Variants in DCC observed in about 807,000 individuals in gnomAD.
DCC encodes DCC netrin 1 receptor.
A neutral mutation model predicts 172.5 loss-of-function variants in DCC; 58 were observed. That is an observed-to-expected ratio of 0.34 (90% CI 0.27 to 0.42). DCC has a LOEUF of 0.42. Among genes scored for constraint, DCC ranks in the 10% least tolerant of loss-of-function variants. DCC has a pLI of 1.00. For synonymous variants in DCC, 709 were observed against 644.5 expected (o/e 1.10, Z -1.52); for missense variants, 1,740 against 1,791.0 (o/e 0.97, Z 0.51).
chr18:53,307,818 A>G (rs1210335342), intron 13 of DCC, among the ~76,000 whole-genome samples: 2 of 148,598 alleles, frequency 1.3e-5, no homozygotes, highest in African/African-American at 2.5e-5. Context: ...TGGAAAGCAT[A>G]TGAGAAATGT....
chr18:53,480,634 C>T (rs1352912132), intron 25 of DCC, among the ~76,000 whole-genome samples: 1 of 151,936 alleles, frequency 6.6e-6, no homozygotes, highest in Non-Finnish European at 1.5e-5. Flanking sequence ...AATTACAATG[C>T]CCAACATTTA....
At position 52,593,915 on chromosome 18, in the gene DCC, G is replaced by C. The variant is rs183229751; in HGVS notation, c.92-158139G>C. Among the ~76,000 whole-genome samples, 275 of 152,306 alleles carry C rather than the reference G, an allele frequency of 1.8e-3. 1 individual carries two copies. The highest frequency in any genetic ancestry group is 6.3e-3 in the African/African-American group (262 of 41,572). ...TTCCTCCAATCTGGATTGAGCTCCTGAGGGATATAAACACACAGAAGTTCC... is the reference window on the plus strand; with the variant it reads ...TTCCTCCAATCTGGATTGAGCTCCTCAGGGATATAAACACACAGAAGTTCC... On this transcript the variant is annotated intron_variant, in intron 1 of 28. Coordinates refer to ENST00000442544, the MANE Select transcript of DCC (RefSeq NM_005215.4).
chr18:53,453,082 A>AT (rs2045436897), intron 23 of DCC, among the ~76,000 whole-genome samples: 1 of 151,686 alleles, frequency 6.6e-6, no homozygotes, highest in Non-Finnish European at 1.5e-5. Flanking sequence ...CGCCCAGCTA[A>AT]TTTCTTGAAT....
At chr18:52,649,289 C>T (rs907070346) in intron 1 of DCC, among the ~76,000 whole-genome samples, 4 of 148,816 alleles carry the variant, frequency 2.7e-5, no homozygotes, top group East Asian at 2.0e-4. Context: ...AGGAGAATGG[C>T]GTGAACCCGG....
chr18:52,668,352 G>A (rs1031872366), intron 1 of DCC, among the ~76,000 whole-genome samples: 2 of 152,134 alleles, frequency 1.3e-5, no homozygotes, highest in South Asian at 2.1e-4. Context: ...AGATTTTAAA[G>A]CTCTAATTCA....
intron 2 of DCC, among the ~76,000 whole-genome samples, chr18:52,761,206 A>G (rs2037154813): frequency 1.3e-5 from 2 of 152,198 alleles, no homozygotes; most frequent in African/African-American, 2.4e-5. Context: ...GAGCTTGTGC[A>G]AGGTAACTCC....
chr18:53,347,798 A>G (rs2057742812), intron 15 of DCC, among the ~76,000 whole-genome samples: 1 of 152,134 alleles, frequency 6.6e-6, no homozygotes, highest in African/African-American at 2.4e-5. Context: ...GCAACAGGCA[A>G]AAAGAGAGCT....
intron 5 of DCC, among the ~76,000 whole-genome samples, chr18:53,040,276 A>C (rs889903910): frequency 1.3e-5 from 2 of 151,938 alleles, no homozygotes; most frequent in African/African-American, 4.8e-5. Context: ...TCCCAACCCA[A>C]TAACCTGTTT....
chr18:53,088,354 C>T (rs963923012), intron 7 of DCC, among the ~76,000 whole-genome samples: 2 of 152,080 alleles, frequency 1.3e-5, no homozygotes, highest in South Asian at 2.1e-4. Flanking sequence ...TATTTCATTC[C>T]CTTTGAAGCA....
intron 2 of DCC, among the ~76,000 whole-genome samples, chr18:52,883,126 T>A (rs1490474215): frequency 1.3e-5 from 2 of 152,042 alleles, no homozygotes; most frequent in African/African-American, 4.8e-5. Flanking sequence ...TCTTTTTGTT[T>A]TCAGTCCATG....
chr18:52,822,050 G>A (rs1195912336), intron 2 of DCC, among the ~76,000 whole-genome samples: 1 of 152,152 alleles, frequency 6.6e-6, no homozygotes, highest in African/African-American at 2.4e-5. Context: ...CTCTTCATTT[G>A]CATTTGAAAT....
chr18:53,087,207 C>T (rs573761261), intron 7 of DCC, among the ~76,000 whole-genome samples: 44 of 152,214 alleles, frequency 2.9e-4, no homozygotes, highest in African/African-American at 1.0e-3. Context: ...AACTAGTTTA[C>T]AGTCCCACCA....
chr18:53,446,681 A>G (rs1912631082), intron 22 of DCC, among the ~76,000 whole-genome samples: 1 of 152,166 alleles, frequency 6.6e-6, no homozygotes, highest in South Asian at 2.1e-4. Flanking sequence ...CAGTGTTTTC[A>G]TGGCCATTCA....
chr18:52,822,553 A>C (rs9955549), intron 2 of DCC, among the ~76,000 whole-genome samples: 7,039 of 152,278 alleles, frequency 0.046, 249 homozygotes, highest in South Asian at 0.17. Context: ...GCAACAGCCA[A>C]ATTCCAATTC....
intron 12 of DCC, among the ~76,000 whole-genome samples, chr18:53,237,432 G>A (rs938597808): frequency 2.0e-5 from 3 of 152,114 alleles, no homozygotes; most frequent in Non-Finnish European, 4.4e-5. Context: ...ACAAAGTAAG[G>A]GTTAGAGAAG....
intron 25 of DCC, among the ~76,000 whole-genome samples, chr18:53,484,000 TAG>T (rs2045870573): frequency 1.3e-5 from 2 of 150,298 alleles, no homozygotes; most frequent in African/African-American, 4.9e-5. Context: ...GATAGATAGA[TAG>T]ATAGATAGAT....
intron 1 of DCC, among the ~76,000 whole-genome samples, chr18:52,563,202 C>A (rs1480090085): frequency 6.6e-6 from 1 of 152,048 alleles, no homozygotes; most frequent in Non-Finnish European, 1.5e-5. Flanking sequence ...TCTGGATAAT[C>A]AAAGCTACAT....
intron 5 of DCC, among the ~76,000 whole-genome samples, chr18:52,995,519 G>GT (rs1363139166): frequency 6.6e-6 from 1 of 151,326 alleles, no homozygotes; most frequent in Non-Finnish European, 1.5e-5. Flanking sequence ...CACAGCGATT[G>GT]TGTTTGGTTA....
At chr18:53,501,223 A>C (rs1056918758) in intron 27 of DCC, among the ~76,000 whole-genome samples, 2 of 152,188 alleles carry the variant, frequency 1.3e-5, no homozygotes, top group Non-Finnish European at 2.9e-5. Context: ...GGCTTATTAC[A>C]TCTCATTTGA....
Sources: gnomAD v4.1 joint callset for allele counts (sites outside exome capture counted in the v4.1 genomes callset) on GRCh38, gnomAD v4.1.1 for gene constraint, MANE v1.5 for transcripts, NCBI Gene and HGNC (gene_info 2026-07-23, HGNC 2026-07-21) for gene names.